Variants in MSH3 observed in about 807,000 individuals in gnomAD.
MSH3 encodes DNA mismatch repair protein Msh3.
In MSH3, 106 loss-of-function variants were observed where a neutral mutation model predicts 123.3. The ratio of observed to expected loss-of-function variants is 0.86; its 90% confidence interval spans 0.73 to 1.01. The LOEUF is 1.01. MSH3 is among the 50% of genes least tolerant of loss of function. The pLI is 0.00. For missense variants in MSH3, 1,459 were observed against 1,347.6 expected, an observed-to-expected ratio of 1.08 and a Z score of -1.29; for synonymous variants, 515 against 481.4, an observed-to-expected ratio of 1.07 and a Z score of -0.91.
intron 20 of MSH3, among the ~76,000 whole-genome samples, chr5:80,819,905 A>G (rs778923092): frequency 1.3e-5 from 2 of 152,220 alleles, no homozygotes; most frequent in Non-Finnish European, 2.9e-5. Flanking sequence ...GTCCCTGCAT[A>G]TTCTTACTGA....
At chr5:80,786,425 A>C (rs1387715031) in intron 17 of MSH3, among the ~76,000 whole-genome samples, 1 of 152,190 alleles carries the variant, frequency 6.6e-6, no homozygotes, top group Non-Finnish European at 1.5e-5. Context: ...GTCTTTGATT[A>C]GTAAATGTTT....
intron 21 of MSH3, among the ~76,000 whole-genome samples, chr5:80,859,441 A>T (rs1337221159): frequency 6.6e-6 from 1 of 152,054 alleles, no homozygotes; most frequent in East Asian, 1.9e-4. Flanking sequence ...ATATATTTTT[A>T]ATATGTAGTT....
intron 18 of MSH3, among the ~76,000 whole-genome samples, chr5:80,788,322 A>G (rs530648407): frequency 6.6e-6 from 1 of 152,310 alleles, no homozygotes; most frequent in African/African-American, 2.4e-5. Flanking sequence ...CTGTAATCCC[A>G]GCTACTCAGA....
rs374475470 is a variant in MSH3, at chr5:80,799,031, A to G, written c.2655+6187A>G. On this transcript the variant is annotated intron_variant, in intron 19 of 23. Transcript: ENST00000265081. ...TGGCTCACAATGGTAGGAGATTTAA[A>G]TTAAAATCCTGCTCTGCTGTCATTT... Among the ~76,000 whole-genome samples the G allele has an allele frequency of 1.4e-4, 22 of 152,356 alleles. No homozygotes were observed. In the East Asian group the frequency reaches 3.7e-3, roughly 25 times the overall value.
At position 80,739,481 on chromosome 5, in the gene MSH3, T is replaced by C. The variant is rs1452365109; in HGVS notation, c.1569-1983T>C. ...GAAGATGGCAGATATTTGTAGACCC[T>C]CTACTGTCTGCTAAGCTGTACAGGT... On this transcript the variant is annotated intron_variant, in intron 10 of 23. Coordinates refer to ENST00000265081, the MANE Select transcript of MSH3 (RefSeq NM_002439.5). Among the ~76,000 whole-genome samples, 4 of 152,224 alleles carry C rather than the reference T, an allele frequency of 2.6e-5. No individual in the cohort carries two copies. The East Asian group carries it at 5.8e-4, about 22-fold the overall frequency.
In MSH3 at chr5:80,656,404, G is replaced by A. The variant is rs1580540602; in HGVS notation, c.238-7G>A. The A allele has an allele frequency of 6.2e-7, 1 of 1,613,952 alleles. No individual in the cohort carries two copies. Among genetic ancestry groups the A allele is most frequent in the South Asian group, 1.1e-5 (1 of 91,068 alleles). On this transcript the variant is annotated splice_polypyrimidine_tract_variant and splice_region_variant and intron_variant, in intron 1 of 23. Transcript: ENST00000265081. The stretch of plus-strand genomic sequence containing the variant: ...TAACACATCATTTTCTAACCTTCCC[G>A]ATATAGGCTACAGAAATTGACAGAA...
intron 17 of MSH3, among the ~76,000 whole-genome samples, chr5:80,783,569 T>C (rs1744445578): frequency 6.6e-6 from 1 of 152,178 alleles, no homozygotes; most frequent in African/African-American, 2.4e-5. Context: ...TTTTTTGTTG[T>C]TTTAACTGAA....
At chr5:80,797,229 T>G (rs1323144006) in intron 19 of MSH3, among the ~76,000 whole-genome samples, 1 of 152,158 alleles carries the variant, frequency 6.6e-6, no homozygotes, top group Non-Finnish European at 1.5e-5. Flanking sequence ...TCAGTACTTA[T>G]TCCACCAAAT....
chr5:80,846,719 G>T (rs898127937), intron 20 of MSH3, among the ~76,000 whole-genome samples: 1 of 152,256 alleles, frequency 6.6e-6, no homozygotes, highest in Non-Finnish European at 1.5e-5. Context: ...GACCTGGTGA[G>T]CCAGGCATGG....
intron 20 of MSH3, among the ~76,000 whole-genome samples, chr5:80,840,521 C>G (rs1745602246): frequency 1.3e-5 from 2 of 152,144 alleles, no homozygotes; most frequent in African/African-American, 2.4e-5. Flanking sequence ...TCAAGCAATT[C>G]TCGTGCCTCA....
rs1744529377 is a variant in MSH3, at chr5:80,787,486, G to A, written c.2436-79G>A. On this transcript the variant is annotated intron_variant, in intron 17 of 23. Coordinates refer to ENST00000265081, the MANE Select transcript of MSH3 (RefSeq NM_002439.5). ...CTGTATGCTTACACTAGCTGATAAA[G>A]TGATTGCTTGTTGTAGAGCTATTAT... is the stretch of plus-strand genomic sequence containing the variant. 4 of 897,122 alleles carry A rather than the reference G, an allele frequency of 4.5e-6. No individual in the cohort carries two copies. In the South Asian group the frequency reaches 5.3e-5, roughly 12 times the overall value. 55.6% of individuals were successfully genotyped at this position (897,122 alleles called of 1,614,324 possible).
intron 8 of MSH3, 59 bp from the exon 9 acceptor site, chr5:80,725,394 A>G (rs1357908772): frequency 4.3e-6 from 5 of 1,161,254 alleles, no homozygotes; most frequent in Non-Finnish European, 6.5e-6. Flanking sequence ...CAAGACCTAA[A>G]TACCAGCATT....
intron 20 of MSH3, among the ~76,000 whole-genome samples, chr5:80,843,823 C>G (rs1202524502): frequency 6.6e-6 from 1 of 152,040 alleles, no homozygotes; most frequent in Non-Finnish European, 1.5e-5. Context: ...TGCTAGCAGT[C>G]TATCAATTTT....
chr5:80,852,911 G>A (rs923686348), intron 20 of MSH3, among the ~76,000 whole-genome samples: 6 of 152,192 alleles, frequency 3.9e-5, no homozygotes, highest in African/African-American at 1.4e-4. Flanking sequence ...CTAAATCAAT[G>A]AAGGGATTTT....
At chr5:80,743,061 C>CTT (rs1743645676) in intron 11 of MSH3, among the ~76,000 whole-genome samples, 1 of 152,004 alleles carries the variant, frequency 6.6e-6, no homozygotes, top group South Asian at 2.1e-4. Context: ...ACCCCCACCG[C>CTT]CCCTCGCCCA....
chr5:80,704,017 A>T (rs1177538614), intron 8 of MSH3, among the ~76,000 whole-genome samples: 1 of 152,118 alleles, frequency 6.6e-6, no homozygotes, highest in Non-Finnish European at 1.5e-5. Context: ...GCAGGCCACA[A>T]TGGTGGGCTT....
chr5:80,781,097 A>G (rs1342129667), intron 17 of MSH3, among the ~76,000 whole-genome samples: 1 of 152,206 alleles, frequency 6.6e-6, no homozygotes, highest in Non-Finnish European at 1.5e-5. Context: ...AGCTTGACTC[A>G]GAGTCTTGAA....
chr5:80,773,836 C>T (rs1431623336), intron 15 of MSH3, among the ~76,000 whole-genome samples: 2 of 152,108 alleles, frequency 1.3e-5, no homozygotes, highest in African/African-American at 2.4e-5. Context: ...GGCACAATCT[C>T]GGCTCACTGC....
intron 2 of MSH3, among the ~76,000 whole-genome samples, chr5:80,660,362 A>C (rs11738950): frequency 0.22 from 33,371 of 152,024 alleles, 3,970 homozygotes; most frequent in African/African-American, 0.31. Flanking sequence ...TATCATGGGA[A>C]TAGCATGGGA....
Sources: allele counts gnomAD v4.1 joint callset (sites outside exome capture counted in the v4.1 genomes callset), GRCh38; gene constraint gnomAD v4.1.1; transcripts MANE v1.5; gene names NCBI Gene and HGNC (gene_info 2026-07-23, HGNC 2026-07-21).